The following SBF2 variants were observed in gnomAD, a reference collection of about 807,000 sequenced individuals.
SBF2 encodes the protein myotubularin-related protein 13.
SBF2 carries 112 observed loss-of-function variants against 225.2 expected under a neutral mutation model. The ratio of observed to expected loss-of-function variants is 0.50; its 90% CI spans 0.43 to 0.58. The LOEUF (loss-of-function observed/expected upper bound fraction) is 0.58. SBF2 is among the 20% of genes least tolerant of loss of function. SBF2 has a pLI of 0.00. For missense variants in SBF2, 1,996 were observed against 2,206.2 expected (o/e 0.90, Z 1.91); for synonymous variants, 763 against 773.3 (o/e 0.99, Z 0.22).
intron 1 of SBF2, among the ~76,000 whole-genome samples, chr11:10,275,669 C>T (rs1485495096): frequency 6.7e-6 from 1 of 148,442 alleles, no homozygotes; most frequent in African/African-American, 2.5e-5. Flanking sequence ...TCCAAGGCTG[C>T]AACAGAATCT....
intron 16 of SBF2, chr11:9,959,649 T>C: frequency 1.3e-6 from 1 of 749,880 alleles, no homozygotes; most frequent in East Asian, 2.6e-5. Context: ...TTCCACACGC[T>C]TGGGTTCACT....
chr11:10,259,488 G>A lies in SBF2; in HGVS notation c.55+34527C>T, dbSNP rs1249083332. Among the ~76,000 whole-genome samples, 5 of 152,102 alleles carry A rather than the reference G, an allele frequency of 3.3e-5. No homozygotes were observed. The East Asian group carries it at 5.8e-4, about 18-fold the overall frequency. On this transcript the variant is annotated intron_variant, in intron 1 of 39. Transcript: ENST00000256190. ...TCCTTAGAACCTAACTAAGAAAAAA[G>A]AAAAATCCTATTTCTAGATGTAAAC...
At chr11:9,971,670 C>A (rs113972942) in intron 13 of SBF2, among the ~76,000 whole-genome samples, 1 of 152,018 alleles carries the variant, frequency 6.6e-6, no homozygotes, top group Non-Finnish European at 1.5e-5. Context: ...CAGAGTGAGA[C>A]CTTGTCTCAA....
intron 2 of SBF2, among the ~76,000 whole-genome samples, chr11:10,109,045 C>CT: frequency 6.6e-6 from 1 of 152,268 alleles, no homozygotes; most frequent in South Asian, 2.1e-4. Context: ...TTCCAAGCCT[C>CT]TTACAATATC....
chr11:9,991,359 C>A (rs1406347589), intron 12 of SBF2, among the ~76,000 whole-genome samples: 1 of 152,128 alleles, frequency 6.6e-6, no homozygotes, highest in Non-Finnish European at 1.5e-5. Flanking sequence ...AAAATTCTTA[C>A]CTGTGAATAC....
intron 1 of SBF2, among the ~76,000 whole-genome samples, chr11:10,230,453 T>C (rs1310020392): frequency 6.6e-6 from 1 of 152,224 alleles, no homozygotes; most frequent in African/African-American, 2.4e-5. Flanking sequence ...TGGTACCGGT[T>C]GTTCCTTTCC....
At chr11:9,983,237 G>C (rs1207133657) in intron 13 of SBF2, among the ~76,000 whole-genome samples, 1 of 152,184 alleles carries the variant, frequency 6.6e-6, no homozygotes, top group Non-Finnish European at 1.5e-5. Context: ...AGGGCTACTG[G>C]GGGGCACAGC....
upstream of SBF2, among the ~76,000 whole-genome samples, chr11:10,294,758 G>A (rs1591382745): frequency 1.3e-5 from 2 of 152,110 alleles, no homozygotes; most frequent in South Asian, 4.1e-4. Context: ...CGGGTGGGCC[G>A]GGGGCGGTCG....
At chr11:9,941,839 C>T (rs1401041180) in intron 16 of SBF2, among the ~76,000 whole-genome samples, 6 of 151,836 alleles carry the variant, frequency 4.0e-5, no homozygotes, top group Admixed American at 3.9e-4. Context: ...AAAACCATTC[C>T]TATTACTGGA....
At chr11:9,853,223 T>C (rs553623812) in intron 20 of SBF2, among the ~76,000 whole-genome samples, 5 of 152,206 alleles carry the variant, frequency 3.3e-5, no homozygotes, top group African/African-American at 9.6e-5. Flanking sequence ...AGACAGAAAA[T>C]ACATTAGAAG....
chr11:9,898,114 T>C (rs933701649), intron 16 of SBF2, among the ~76,000 whole-genome samples: 3 of 150,834 alleles, frequency 2.0e-5, no homozygotes, highest in Non-Finnish European at 4.5e-5. Flanking sequence ...AGAAGGGAAA[T>C]AGGCAAAGAT....
At chr11:10,172,095 T>A (rs1412635859) in intron 2 of SBF2, among the ~76,000 whole-genome samples, 1 of 152,092 alleles carries the variant, frequency 6.6e-6, no homozygotes, top group South Asian at 2.1e-4. Context: ...ACTTTTTGTT[T>A]TGTTGATCTT....
chr11:10,132,904 A>G lies in SBF2; in HGVS notation c.141+60998T>C, dbSNP rs940247151. Among the ~76,000 whole-genome samples, 56 of 148,790 alleles carry G rather than the reference A, an allele frequency of 3.8e-4. 3 individuals are homozygous for G. Among genetic ancestry groups the G allele is most frequent in the East Asian group, 1.8e-3 (8 of 4,502 alleles). ...GTCCCCATCAGATTAGTTAGATACA[A>G]AGTTTCCACACACAGGTTCTCCAAG... On this transcript the variant is annotated intron_variant, in intron 2 of 39. Coordinates refer to ENST00000256190, the MANE Select transcript of SBF2 (RefSeq NM_030962.4).
chr11:10,040,363 G>C (rs1022436416), intron 3 of SBF2, among the ~76,000 whole-genome samples: 2 of 151,888 alleles, frequency 1.3e-5, no homozygotes, highest in African/African-American at 4.8e-5. Context: ...TGTTGACACA[G>C]CCTGAAACTA....
At chr11:10,266,560 C>T (rs1962012395) in intron 1 of SBF2, among the ~76,000 whole-genome samples, 1 of 151,892 alleles carries the variant, frequency 6.6e-6, no homozygotes, top group Non-Finnish European at 1.5e-5. Flanking sequence ...CATAAACATT[C>T]CTTTTAAAAA....
chr11:10,277,109 G>T lies in SBF2; in HGVS notation c.55+16906C>A, dbSNP rs981444257. On this transcript the variant is annotated intron_variant, in intron 1 of 39. Transcript: ENST00000256190. ...GATAGTGCCACTGCACTCCTGCCTG[G>T]GCAACAGAGCGAGACCCCATCTCAA... 3.0e-4 allele frequency among the ~76,000 whole-genome samples: 43 copies of T among 141,174 alleles called. 1 individual carries two copies. The highest frequency in any genetic ancestry group is 5.9e-4 in the Non-Finnish European group (39 of 66,358). 92.6% of individuals were successfully genotyped at this position (141,174 alleles called of 152,430 possible). A position where few individuals can be genotyped will look rare whatever the true frequency, so the allele number is the denominator to read the frequency against.
chr11:10,131,307 C>G (rs796760808), intron 2 of SBF2, among the ~76,000 whole-genome samples: 1 of 151,912 alleles, frequency 6.6e-6, no homozygotes, highest in Non-Finnish European at 1.5e-5. Flanking sequence ...CTCACTGCAG[C>G]CTTGACCTCC....
chr11:9,929,754 T>C (rs1365277001), intron 16 of SBF2, among the ~76,000 whole-genome samples: 1 of 152,124 alleles, frequency 6.6e-6, no homozygotes, highest in East Asian at 1.9e-4. Context: ...TTCAAGCATC[T>C]CAACAACTTT....
chr11:10,254,658 C>G (rs1473274558), intron 1 of SBF2, among the ~76,000 whole-genome samples: 5 of 150,788 alleles, frequency 3.3e-5, no homozygotes, highest in African/African-American at 1.2e-4. Context: ...GTAATCCCAG[C>G]ATTATAGGAG....
Sources: gnomAD v4.1 joint callset for allele counts (sites outside exome capture counted in the v4.1 genomes callset) on GRCh38, gnomAD v4.1.1 for gene constraint, MANE v1.5 for transcripts, NCBI Gene and HGNC (gene_info 2026-07-23, HGNC 2026-07-21) for gene names.